Variants in ERMP1 observed in about 807,000 individuals in gnomAD.
The protein encoded by ERMP1 is Felix-ina.
In ERMP1, 86 loss-of-function variants were observed where a neutral mutation model predicts 92.0. That is an observed-to-expected ratio of 0.93 (90% confidence interval 0.79 to 1.12). The LOEUF (loss-of-function observed/expected upper bound fraction) is 1.12, where lower values mean the gene tolerates loss of function less well. Among genes scored for constraint, ERMP1 ranks in the 50% most tolerant of loss-of-function variants. The pLI is 0.00. For synonymous variants in ERMP1, 530 were observed against 412.8 expected (o/e 1.28, Z -3.44); for missense variants, 1,342 against 1,116.3 (o/e 1.20, Z -2.88).
intron 13 of ERMP1, among the ~76,000 whole-genome samples, chr9:5,793,625 T>C (rs1222535029): frequency 6.6e-6 from 1 of 151,960 alleles, no homozygotes; most frequent in African/African-American, 2.4e-5. Flanking sequence ...CTAACACTAA[T>C]CAAAAGAAAG....
intron 6 of ERMP1, among the ~76,000 whole-genome samples, chr9:5,846,627 G>A (rs921898560): frequency 3.9e-5 from 6 of 152,130 alleles, no homozygotes; most frequent in Admixed American, 1.3e-4. Context: ...AAAGGATTGG[G>A]CAAGCACTTA....
At chr9:5,854,397 T>A (rs1185946501) in intron 6 of ERMP1, among the ~76,000 whole-genome samples, 1 of 152,222 alleles carries the variant, frequency 6.6e-6, no homozygotes, top group Non-Finnish European at 1.5e-5. Flanking sequence ...ATTCCCTTTA[T>A]CAATTATTTA....
At chr9:5,791,909 A>G (rs1035830952) in intron 13 of ERMP1, among the ~76,000 whole-genome samples, 4 of 152,238 alleles carry the variant, frequency 2.6e-5, no homozygotes, top group Non-Finnish European at 5.9e-5. Context: ...TCGTGATACA[A>G]GATGGTCAGT....
At chr9:5,812,643 T>C in intron 5 of ERMP1, 2 of 520,290 alleles carry the variant, frequency 3.8e-6, no homozygotes, top group South Asian at 4.3e-5. Flanking sequence ...CTTTTGGGAA[T>C]GAGGTGCTAA....
At chr9:5,864,134 T>C (rs993798062) in intron 5 of ERMP1, among the ~76,000 whole-genome samples, 26 of 152,378 alleles carry the variant, frequency 1.7e-4, no homozygotes, top group African/African-American at 6.0e-4. Context: ...TCAATTTGAC[T>C]GTTGGAAATT....
rs189537992 is a variant in ERMP1, at chr9:5,792,744, C to G, written c.2386+5073G>C. Among the ~76,000 whole-genome samples, 6 of 152,264 alleles carry G rather than the reference C, an allele frequency of 3.9e-5. No individual in the cohort carries two copies. In the East Asian group the frequency reaches 9.6e-4, roughly 24 times the overall value. ...TTGAGAATATTATGTTATAAGGTAT[C>G]TGCACTACCATGAAGCAGTACAGTG... On this transcript the variant is annotated intron_variant, in intron 13 of 14. Coordinates refer to ENST00000339450, the MANE Select transcript of ERMP1 (RefSeq NM_024896.3).
upstream of ERMP1, among the ~76,000 whole-genome samples, chr9:5,834,703 A>ATGTGTGTGTGTGTGTGTGTGTGTGTGTG (rs766269385): frequency 8.1e-6 from 1 of 122,906 alleles, no homozygotes. Flanking sequence ...GTATGTATAT[A>ATGTGTGTGTGTGTGTGTGTGTGTGTGTG]TGTGTGTGTG....
chr9:5,825,517 T>A (rs1829699103), intron 2 of ERMP1, among the ~76,000 whole-genome samples: 1 of 152,248 alleles, frequency 6.6e-6, no homozygotes, highest in Non-Finnish European at 1.5e-5. Context: ...AAAGTCATAC[T>A]GGAAACTGGT....
At chr9:5,846,188 G>C (rs4609246) in intron 6 of ERMP1, among the ~76,000 whole-genome samples, 84,280 of 151,960 alleles carry the variant, frequency 0.55, 24,074 homozygotes, top group South Asian at 0.67. Context: ...TAAAGGTAAG[G>C]CCAGAGGCAA....
Position 5,805,225 on chromosome 9 carries a change from A to G in ERMP1, c.1724-8T>C. 1 of 1,590,196 alleles carries G rather than the reference A, an allele frequency of 6.3e-7. No homozygotes were observed. The highest frequency in any genetic ancestry group is 8.6e-7 in the Non-Finnish European group (1 of 1,166,250). On this transcript the variant is annotated splice_region_variant and splice_polypyrimidine_tract_variant and intron_variant, in intron 9 of 14. Transcript: ENST00000339450. ...TAAATTTTCCTTGGGCACCTAGGGA[A>G]AAAGAGAAAAAAAGCACACATCTAT...
intron 3 of ERMP1, among the ~76,000 whole-genome samples, chr9:5,824,345 G>A (rs1829655051): frequency 6.6e-6 from 1 of 152,150 alleles, no homozygotes. Flanking sequence ...AGGCCATGGT[G>A]GGAAGATCAC....
chr9:5,812,285 T>A lies in ERMP1; in HGVS notation c.1022-68A>T, dbSNP rs1230555909. The stretch of plus-strand genomic sequence containing the variant: ...AGATCAACCTTGCTTTCGACCTATT[T>A]CTTTAATAAATTCCTAAAAGACAAA... On this transcript the variant is annotated intron_variant, in intron 5 of 14. Transcript: ENST00000339450. 1.2e-5 allele frequency: 11 copies of A among 891,876 alleles called. No homozygotes were observed. The East Asian group carries it at 2.8e-4, about 23-fold the overall frequency. The allele number at this position is 891,876 out of a possible 1,614,324, so 55.2% of individuals were successfully genotyped here. A position where few individuals can be genotyped will look rare whatever the true frequency, so the allele number is the denominator to read the frequency against.
intron 8 of ERMP1, among the ~76,000 whole-genome samples, chr9:5,808,236 A>C (rs189750271): frequency 5.2e-5 from 8 of 152,398 alleles, no homozygotes; most frequent in Admixed American, 5.2e-4. Flanking sequence ...AAGTGTTACG[A>C]TCAGACAACT....
rs142015791 is a variant in ERMP1 at position 5,787,249 on chromosome 9, A to C, written c.2610T>G (p.Ser870=). The change falls in exon 15 of 15, where the codon TCT becomes TCG. Residue 870 remains serine, a synonymous_variant. Transcript: ENST00000339450. ...VTVAIAAHYL[S]GEDKRSPQLD... The stretch of plus-strand genomic sequence containing the variant: ...GTTGAGGGGATCTCTTGTCTTCCCC[A>C]GACAGATAGTGGGCAGCAATGGCCA... The C allele has an allele frequency of 1.9e-4, 302 of 1,614,112 alleles. No homozygotes were observed. The African/African-American group carries it at 3.6e-3, about 19-fold the overall frequency.
At chr9:5,788,229 A>C (rs536062929) in intron 13 of ERMP1, among the ~76,000 whole-genome samples, 64 of 152,366 alleles carry the variant, frequency 4.2e-4, no homozygotes, top group African/African-American at 1.5e-3. Context: ...CTCAGGGAGC[A>C]ATCTCACACA....
chr9:5,815,040 G>C (rs935871214), intron 4 of ERMP1, among the ~76,000 whole-genome samples: 1 of 152,084 alleles, frequency 6.6e-6, no homozygotes, highest in African/African-American at 2.4e-5. Context: ...AGAAAAAAAG[G>C]TTGGAAAATA....
At chr9:5,827,933 G>A (rs370370610) in intron 2 of ERMP1, among the ~76,000 whole-genome samples, 30 of 152,248 alleles carry the variant, frequency 2.0e-4, no homozygotes, top group East Asian at 1.5e-3. Flanking sequence ...AGCCGAGATC[G>A]CGCCACTGCA....
In ERMP1 at chr9:5,798,853, T is replaced by G. The variant is rs1452473345; in HGVS notation, c.2223A>C (p.Ala741=). The G allele has an allele frequency of 6.2e-7, 1 of 1,613,608 alleles. No individual in the cohort carries two copies. The highest frequency in any genetic ancestry group is 8.5e-7 in the Non-Finnish European group (1 of 1,179,874). ...GATACCAAGGAAAACCACAAAGAGG[T>G]GCATTCTCCTCACAGTGAGCTCGGA... ...DSIRAHCEEN[A]PLCGFPWYLP... Residue 741 remains alanine (A), a synonymous_variant, in exon 12 of 15, where the codon GCA becomes GCC. Coordinates refer to ENST00000339450, the MANE Select transcript of ERMP1 (RefSeq NM_024896.3).
intron 6 of ERMP1, among the ~76,000 whole-genome samples, chr9:5,853,243 GGAAATTTATGTCCT>G (rs1472798576): frequency 6.6e-6 from 1 of 152,128 alleles, no homozygotes; most frequent in African/African-American, 2.4e-5. Context: ...CTTCACAAAG[GGAAATTTATGTCCT>G]GCTTCTAGGC....
Sources: gnomAD v4.1 joint callset for allele counts (sites outside exome capture counted in the v4.1 genomes callset) on GRCh38, gnomAD v4.1.1 for gene constraint, MANE v1.5 for transcripts, NCBI Gene and HGNC (gene_info 2026-07-23, HGNC 2026-07-21) for gene names.